The following SULF1 variants were observed in gnomAD, a reference collection of about 807,000 sequenced individuals.
SULF1 encodes sulfatase 1, also known as extracellular sulfatase Sulf-1.
Under a neutral mutation model 110.5 loss-of-function variants are expected in SULF1, and 46 were observed. The ratio of observed to expected loss-of-function variants is 0.42; its 90% CI spans 0.33 to 0.53. The LOEUF is 0.53. Among genes scored for constraint, SULF1 ranks in the 20% least tolerant of loss-of-function variants. The pLI, the probability that SULF1 is intolerant of heterozygous loss-of-function variation, is 0.12. For synonymous variants in SULF1, 371 were observed against 387.1 expected (o/e 0.96, Z 0.49); for missense variants, 941 against 1,094.2 (o/e 0.86, Z 1.98).
intron 8 of SULF1, among the ~76,000 whole-genome samples, chr8:69,591,719 T>A (rs542861758): frequency 1.2e-4 from 19 of 152,246 alleles, no homozygotes; most frequent in African/African-American, 4.6e-4. Flanking sequence ...TGCTAACATT[T>A]AAGGACAGAT....
At chr8:69,511,170 C>T (rs924311724) in intron 3 of SULF1, among the ~76,000 whole-genome samples, 1 of 152,134 alleles carries the variant, frequency 6.6e-6, no homozygotes, top group African/African-American at 2.4e-5. Flanking sequence ...ATTGAGAAAA[C>T]CAAATTAAGC....
intron 8 of SULF1, among the ~76,000 whole-genome samples, chr8:69,595,135 CA>C (rs1807205852): frequency 6.6e-6 from 1 of 152,150 alleles, no homozygotes; most frequent in Admixed American, 6.5e-5. Flanking sequence ...AGAGATACTA[CA>C]ATTCCGTAGT....
chr8:69,582,797 A>G (rs981760449), intron 6 of SULF1, among the ~76,000 whole-genome samples: 4 of 152,138 alleles, frequency 2.6e-5, no homozygotes, highest in African/African-American at 9.7e-5. Flanking sequence ...TTTTGGAAAC[A>G]ATCGCTTTTG....
intron 6 of SULF1, among the ~76,000 whole-genome samples, chr8:69,578,346 A>ATTTAT (rs1353917004): frequency 6.6e-6 from 1 of 151,920 alleles, no homozygotes; most frequent in South Asian, 2.1e-4. Flanking sequence ...TTATTTGTTT[A>ATTTAT]TTTATTTTAT....
At chr8:69,494,904 G>C (rs1682305018) in intron 1 of SULF1, among the ~76,000 whole-genome samples, 1 of 151,252 alleles carries the variant, frequency 6.6e-6, no homozygotes, top group Admixed American at 6.6e-5. Flanking sequence ...AAAAAAAAGA[G>C]AGAGACTATT....
At chr8:69,472,773 G>C (rs375814761) in intron 1 of SULF1, among the ~76,000 whole-genome samples, 12 of 152,262 alleles carry the variant, frequency 7.9e-5, no homozygotes, top group Admixed American at 3.3e-4. Flanking sequence ...GCTAGTCTTC[G>C]TTGCCCTCTA....
intron 19 of SULF1, among the ~76,000 whole-genome samples, chr8:69,635,792 C>A (rs1320407048): frequency 6.6e-6 from 1 of 152,046 alleles, no homozygotes; most frequent in Non-Finnish European, 1.5e-5. Context: ...ATCACTTGAG[C>A]CTGGGAGGTC....
chr8:69,497,010 A>T (rs1810408852), intron 2 of SULF1, among the ~76,000 whole-genome samples: 2 of 152,188 alleles, frequency 1.3e-5, no homozygotes, highest in South Asian at 4.1e-4. Flanking sequence ...TGCGTGCACC[A>T]TCCACGATGG....
intron 5 of SULF1, among the ~76,000 whole-genome samples, chr8:69,572,658 G>C (rs1415158852): frequency 6.6e-6 from 1 of 152,018 alleles, no homozygotes; most frequent in Non-Finnish European, 1.5e-5. Flanking sequence ...GCTTCACCCA[G>C]GTTTCATTAG....
At chr8:69,646,426 ATT>A (rs10578329) in intron 22 of SULF1, among the ~76,000 whole-genome samples, 73,079 of 145,110 alleles carry the variant, frequency 0.5, 18,048 homozygotes, top group South Asian at 0.6. Context: ...TATTATCCTC[ATT>A]TTTTTTTTTT....
intron 3 of SULF1, among the ~76,000 whole-genome samples, chr8:69,546,790 A>T (rs1467050350): frequency 6.6e-6 from 1 of 152,220 alleles, no homozygotes; most frequent in Non-Finnish European, 1.5e-5. Context: ...ATGTTGCTAA[A>T]ATTATTAGGA....
chr8:69,493,018 C>T lies in SULF1; in HGVS notation c.-498C>T, dbSNP rs1027442837. On this transcript the variant is annotated 5_prime_UTR_variant, in exon 1 of 23. Coordinates refer to ENST00000402687, the MANE Select transcript of SULF1 (RefSeq NM_001128205.2). ...CAGGGCAGATGAGGAACATGACTCT[C>T]CCCCTTCGGAGGAGGAAGGAAGTCC... The T allele has an allele frequency of 6.6e-5, 10 of 152,648 alleles. No individual in the cohort carries two copies. Among genetic ancestry groups the T allele is most frequent in the African/African-American group, 2.4e-4 (10 of 41,448 alleles). The allele number at this position is 152,648 out of a possible 1,614,324, so 9.5% of individuals were successfully genotyped here.
In SULF1 at chr8:69,517,959, T is replaced by C. The variant is rs549508114; in HGVS notation, c.-134+15991T>C. On this transcript the variant is annotated intron_variant, in intron 3 of 22. Transcript: ENST00000402687. Reference sequence around the variant, plus strand: ...AAAGTTATATATTTTACATTTATCATAGGCATATGGTTTGTATATTTTTGT... The same window carrying C: ...AAAGTTATATATTTTACATTTATCACAGGCATATGGTTTGTATATTTTTGT... Among the ~76,000 whole-genome samples, 7 of 152,362 alleles carry C rather than the reference T, an allele frequency of 4.6e-5. No individual in the cohort carries two copies. In the East Asian group the frequency reaches 1.3e-3, roughly 29 times the overall value.
chr8:69,508,733 G>A (rs1010309393), intron 3 of SULF1, among the ~76,000 whole-genome samples: 33 of 152,214 alleles, frequency 2.2e-4, no homozygotes, highest in African/African-American at 7.5e-4. Flanking sequence ...ATTAAAAACT[G>A]TATTTATTAC....
chr8:69,613,969 A>C (rs1462533278), intron 13 of SULF1, among the ~76,000 whole-genome samples: 1 of 152,022 alleles, frequency 6.6e-6, no homozygotes, highest in African/African-American at 2.4e-5. Context: ...CAAAAAAAAA[A>C]AAATAATAAA....
chr8:69,516,688 A>C (rs1418277493), intron 3 of SULF1, among the ~76,000 whole-genome samples: 1 of 152,242 alleles, frequency 6.6e-6, no homozygotes, highest in Non-Finnish European at 1.5e-5. Context: ...ATTTCTCAAC[A>C]ACTGAGATAG....
At chr8:69,566,799 G>A (rs537567354) in intron 5 of SULF1, among the ~76,000 whole-genome samples, 1 of 151,848 alleles carries the variant, frequency 6.6e-6, no homozygotes, top group South Asian at 2.1e-4. Flanking sequence ...GCAGTGAGCC[G>A]AGATCACACC....
chr8:69,605,623 C>A (rs1321033879), intron 13 of SULF1, among the ~76,000 whole-genome samples: 3 of 152,096 alleles, frequency 2.0e-5, no homozygotes, highest in Non-Finnish European at 4.4e-5. Context: ...TGAATTTAAA[C>A]CAGTTTAAAA....
chr8:69,560,072 T>G (rs1263022187), intron 3 of SULF1, among the ~76,000 whole-genome samples: 1 of 152,162 alleles, frequency 6.6e-6, no homozygotes, highest in Non-Finnish European at 1.5e-5. Context: ...CTCATGAACC[T>G]CTCAAAAGGG....
Sources: allele counts gnomAD v4.1 joint callset (sites outside exome capture counted in the v4.1 genomes callset), GRCh38; gene constraint gnomAD v4.1.1; transcripts MANE v1.5; gene names NCBI Gene and HGNC (gene_info 2026-07-23, HGNC 2026-07-21).